CBX6: variants seen among roughly 807,000 people sequenced by gnomAD.
CBX6 encodes chromobox 6, also known as chromobox protein homolog 6.
A neutral mutation model predicts 28.4 loss-of-function variants in CBX6; 7 were observed. The ratio of observed to expected loss-of-function variants is 0.25; its 90% confidence interval spans 0.14 to 0.46. CBX6 has a LOEUF of 0.46. Ranked by LOEUF, CBX6 falls within the 20% of genes least tolerant of loss-of-function variation. The pLI, the probability that CBX6 is intolerant of heterozygous loss-of-function variation, is 0.99. For synonymous variants in CBX6, 297 were observed against 273.4 expected, an observed-to-expected ratio of 1.09 and a Z score of -0.85; for missense variants, 512 against 606.1, an observed-to-expected ratio of 0.84 and a Z score of 1.63.
rs1171296633 is a variant in CBX6 at position 38,866,377 on chromosome 22, G to A, written c.1071C>T (p.Asp357=). 2.5e-6 allele frequency: 4 copies of A among 1,613,492 alleles called. No homozygotes were observed. The highest frequency in any genetic ancestry group is 3.4e-6 in the Non-Finnish European group (4 of 1,179,966). Residue 357 remains aspartate, a synonymous_variant, in exon 5 of 5, where the codon GAC becomes GAT. Transcript: ENST00000407418. This position sits in a 1 kb window ranked among gnomAD's most constrained non-coding sequence, Gnocchi z 7.5. ...AGASSEPEAG[D]WRPEMSPCSN... ...AGCAGGGTGACATCTCGGGGCGCCA[G>A]TCCCCAGCCTCGGGCTCGGAGGAGG... is the stretch of plus-strand genomic sequence containing the variant.
At position 38,861,449 on chromosome 22, in the gene CBX6, CT is replaced by C. The variant is rs2146208994; in HGVS notation, c.*4759del. The C allele has an allele frequency of 6.6e-6, 1 of 152,372 alleles. No individual in the cohort carries two copies. The highest frequency in any genetic ancestry group is 2.4e-5 in the African/African-American group (1 of 41,570). The allele number at this position is 152,372 out of a possible 1,614,324, so 9.4% of individuals were successfully genotyped here. On this transcript the variant is annotated 3_prime_UTR_variant, in exon 5 of 5. Transcript: ENST00000407418. ...GAAGAAGACACAGACACACCCCAAC[CT>C]AGGGGCTAGGCCTCAGCTTCGGAAT...
rs772981704 is a variant in CBX6 at position 38,866,367 on chromosome 22, C to T, written c.1081G>A (p.Glu361Lys). 1.2e-6 allele frequency: 2 copies of T among 1,613,676 alleles called. No homozygotes were observed. Among genetic ancestry groups the T allele is most frequent in the Non-Finnish European group, 8.5e-7 (1 of 1,179,964 alleles). Residue 361 changes from glutamate to lysine, a missense_variant, in exon 5 of 5, where the codon GAG becomes AAG. Transcript: ENST00000407418. The surrounding 1 kb of genome is among the most constrained non-coding windows in gnomAD (Gnocchi z 7.5). Reference sequence around the variant, plus strand: ...ACCACATTGGAGCAGGGTGACATCTCGGGGCGCCAGTCCCCAGCCTCGGGC... The same window carrying T: ...ACCACATTGGAGCAGGGTGACATCTTGGGGCGCCAGTCCCCAGCCTCGGGC... ...SEPEAGDWRP[E>K]MSPCSNVVVT...
rs978838726 is a variant in CBX6 at position 38,864,234 on chromosome 22, CCT to C, written c.*1973_*1974del. ...ATTTTTTTCTATTTCTTTTTTTTTT[CCT>C]CTTTTTTTGTTTTTGTTTTTTTGCA... On this transcript the variant is annotated 3_prime_UTR_variant, in exon 5 of 5. Coordinates refer to ENST00000407418, the MANE Select transcript of CBX6 (RefSeq NM_014292.5). 5.5e-5 allele frequency: 6 copies of C among 109,446 alleles called. No homozygotes were observed. Among genetic ancestry groups the C allele is most frequent in the African/African-American group, 1.9e-4 (6 of 30,976 alleles). The allele number at this position is 109,446 out of a possible 1,614,324, so 6.8% of individuals were successfully genotyped here.
intron 4 of CBX6, among the ~76,000 whole-genome samples, chr22:38,868,119 C>T (rs1306855709): frequency 6.6e-6 from 1 of 152,204 alleles, no homozygotes; most frequent in African/African-American, 2.4e-5. Flanking sequence ...CCAACCCACC[C>T]GTTGTCAGAT....
Position 38,866,889 on chromosome 22 carries a change from C to T in CBX6, c.559G>A (p.Gly187Ser), listed in dbSNP as rs1011003104. 6.3e-7 allele frequency: 1 copy of T among 1,595,866 alleles called. No individual in the cohort carries two copies. The highest frequency in any genetic ancestry group is 2.2e-5 in the East Asian group (1 of 44,666). Residue 187 changes from glycine to serine, a missense_variant, in exon 5 of 5, where the codon GGC becomes AGC. Transcript: ENST00000407418. The surrounding 1 kb of genome is among the most constrained non-coding windows in gnomAD (Gnocchi z 7.5). ...CCGGCCCCCTGCCCGGCGCCCCCGC[C>T]GCCAGCGCCCTTGTCGATCACCTTC... is the stretch of plus-strand genomic sequence containing the variant. ...NLKVIDKGAG[G>S]GGAGQGAGAL...
At position 38,867,031 on chromosome 22, in the gene CBX6, C is replaced by A. The variant is rs773251156; in HGVS notation, c.417G>T (p.Pro139=). The change falls in exon 5 of 5, where the codon CCG becomes CCT. Residue 139 remains proline, a synonymous_variant. Transcript: ENST00000407418. The part of the protein sequence containing the change: ...MSRRPLPRPD[P]QGGSPGLRPP... Reference sequence around the variant, plus strand: ...GGCGCAGTCCGGGGCTGCCCCCCTGCGGGTCCGGGCGGGGCAGGGGACGGC... The same window carrying A: ...GGCGCAGTCCGGGGCTGCCCCCCTGAGGGTCCGGGCGGGGCAGGGGACGGC... The A allele has an allele frequency of 6.9e-6, 11 of 1,603,710 alleles. No homozygotes were observed. The highest frequency in any genetic ancestry group is 1.1e-5 in the South Asian group (1 of 90,360).
In CBX6 at chr22:38,871,034, CG is replaced by C. The variant is rs1345575488; in HGVS notation, c.246+445del. 5 of 173,344 alleles carry C rather than the reference CG, an allele frequency of 2.9e-5. No individual in the cohort carries two copies. Among genetic ancestry groups the C allele is most frequent in the Admixed American group, 1.2e-4 (2 of 16,840 alleles). 10.7% of individuals were successfully genotyped at this position (173,344 alleles called of 1,614,324 possible). On this transcript the variant is annotated intron_variant, in intron 4 of 4. Transcript: ENST00000407418. This position sits in a 1 kb window ranked among gnomAD's most constrained non-coding sequence, Gnocchi z 5.6. ...GAAGAACAAATCCTGAAAGACTGAACGGGGGAAGCTGGGGGCAGGGAGGCAG... is the reference window on the plus strand; with the variant it reads ...GAAGAACAAATCCTGAAAGACTGAACGGGGAAGCTGGGGGCAGGGAGGCAG...
intron 4 of CBX6, among the ~76,000 whole-genome samples, chr22:38,869,234 G>A (rs994150691): frequency 6.6e-6 from 1 of 152,206 alleles, no homozygotes; most frequent in African/African-American, 2.4e-5. Flanking sequence ...AACTGCCTGA[G>A]CTTCCTGACT....
intron 4 of CBX6, among the ~76,000 whole-genome samples, chr22:38,868,877 G>T (rs924500562): frequency 1.1e-4 from 17 of 152,186 alleles, no homozygotes; most frequent in African/African-American, 3.9e-4. Context: ...ACTCTCAGGA[G>T]AGATGTTTGC....
chr22:38,866,640 C>G lies in CBX6; in HGVS notation c.808G>C (p.Ala270Pro), dbSNP rs1234349335. 4.5e-6 allele frequency: 6 copies of G among 1,328,250 alleles called. No homozygotes were observed. The highest frequency in any genetic ancestry group is 1.6e-5 in the African/African-American group (1 of 63,734). 82.3% of individuals were successfully genotyped at this position (1,328,250 alleles called of 1,614,324 possible). Residue 270 changes from alanine to proline, a missense_variant, in exon 5 of 5, where the codon GCC becomes CCC. Ala to Pro is a conservative substitution (Grantham distance 27, BLOSUM62 -1). Transcript: ENST00000407418. The surrounding 1 kb of genome is among the most constrained non-coding windows in gnomAD (Gnocchi z 7.5). ...LLAAPAAPYD[A>P]RSSGSSGCPS... ...CAGCCGGAGGAGCCAGAGCTGCGGG[C>G]GTCGTAGGGGGCGGCGGGGGCGGCC...
In CBX6 at chr22:38,868,865, C is replaced by T. The variant is rs114742138; in HGVS notation, c.247-1664G>A. On this transcript the variant is annotated intron_variant, in intron 4 of 4. Transcript: ENST00000407418. ...ACAAGACTAGATTACCATTTGATCA[C>T]AACTCTCAGGAGAGATGTTTGCTGG... Among the ~76,000 whole-genome samples the T allele has an allele frequency of 4.3e-3, 653 of 152,306 alleles. 4 individuals are homozygous for T. Among genetic ancestry groups the T allele is most frequent in the African/African-American group, 0.015 (616 of 41,570 alleles).
Position 38,865,660 on chromosome 22 carries a change from G to C in CBX6, c.*549C>G, listed in dbSNP as rs1488853872. ...CTTAGGCCTCGTCCAAAATCGAGCA[G>C]GGAAGACCCCGCCCTGGCCCAACTT... On this transcript the variant is annotated 3_prime_UTR_variant, in exon 5 of 5. Coordinates refer to ENST00000407418, the MANE Select transcript of CBX6 (RefSeq NM_014292.5). 6.4e-6 allele frequency: 1 copy of C among 156,946 alleles called. No homozygotes were observed. The allele number at this position is 156,946 out of a possible 1,614,324, so 9.7% of individuals were successfully genotyped here.
chr22:38,867,683 C>T (rs1004278396), intron 4 of CBX6, among the ~76,000 whole-genome samples: 2 of 152,258 alleles, frequency 1.3e-5, no homozygotes, highest in African/African-American at 4.8e-5. Context: ...CCTGCTCCCC[C>T]GCACCAAGTC....
intron 4 of CBX6, among the ~76,000 whole-genome samples, chr22:38,868,269 C>T (rs1008918570): frequency 1.3e-5 from 2 of 152,208 alleles, no homozygotes; most frequent in African/African-American, 2.4e-5. Context: ...ACAGACTCTC[C>T]CCTGGAGAGC....
chr22:38,869,267 T>C (rs2093177113), intron 4 of CBX6, among the ~76,000 whole-genome samples: 1 of 151,970 alleles, frequency 6.6e-6, no homozygotes, highest in African/African-American at 2.4e-5. Context: ...CTTCCAAGAG[T>C]CCAGTGGTGA....
chr22:38,866,013 T>A lies in CBX6; in HGVS notation c.*196A>T, dbSNP rs1315154337. On this transcript the variant is annotated 3_prime_UTR_variant, in exon 5 of 5. Coordinates refer to ENST00000407418, the MANE Select transcript of CBX6 (RefSeq NM_014292.5). This position sits in a 1 kb window ranked among gnomAD's most constrained non-coding sequence, Gnocchi z 7.5. ...ATGGGCAGGGGGTGTGCCCTTCCCC[T>A]GCCCCATTCCAGGGTGGCCCCTACC... The A allele has an allele frequency of 1.7e-6, 1 of 598,738 alleles. No homozygotes were observed. The highest frequency in any genetic ancestry group is 2.8e-5 in the East Asian group (1 of 35,956). The allele number at this position is 598,738 out of a possible 1,614,324, so 37.1% of individuals were successfully genotyped here. A position where few individuals can be genotyped will look rare whatever the true frequency, so the allele number is the denominator to read the frequency against.
intron 4 of CBX6, 106 bp from the exon 5 acceptor site, chr22:38,867,307 C>A: frequency 1.0e-6 from 1 of 985,488 alleles, no homozygotes; most frequent in Non-Finnish European, 1.5e-6. Context: ...GCCAGCGATC[C>A]CGAGATCATT....
At position 38,862,490 on chromosome 22, in the gene CBX6, G is replaced by C. The variant is rs2146209748; in HGVS notation, c.*3719C>G. The C allele has an allele frequency of 7.0e-6, 1 of 142,138 alleles. No homozygotes were observed. The highest frequency in any genetic ancestry group is 2.2e-4 in the South Asian group (1 of 4,584). 8.8% of individuals were successfully genotyped at this position (142,138 alleles called of 1,614,324 possible). ...CCCGGAAGTGGAACTGACCAGGTGG[G>C]GCTCCACTGTCCTGTGTGGGCGAAG... On this transcript the variant is annotated 3_prime_UTR_variant, in exon 5 of 5. Transcript: ENST00000407418.
In CBX6 at chr22:38,866,860, C is replaced by T. The variant is rs1041403596; in HGVS notation, c.588G>A (p.Ala196=). ...GGGGAGQGAG[A]LARPKVPSRN... ...GCGAGGGGACTTTGGGGCGGGCCAGCGCCCCGGCCCCCTGCCCGGCGCCCC... is the reference window on the plus strand; with the variant it reads ...GCGAGGGGACTTTGGGGCGGGCCAGTGCCCCGGCCCCCTGCCCGGCGCCCC... Residue 196 remains alanine, a synonymous_variant, in exon 5 of 5, where the codon GCG becomes GCA. Transcript: ENST00000407418. The surrounding 1 kb of genome is among the most constrained non-coding windows in gnomAD (Gnocchi z 7.5). 2.5e-6 allele frequency: 4 copies of T among 1,604,222 alleles called. No homozygotes were observed. Among genetic ancestry groups the T allele is most frequent in the South Asian group, 1.1e-5 (1 of 90,256 alleles).
Sources: allele counts gnomAD v4.1 joint callset (sites outside exome capture counted in the v4.1 genomes callset), GRCh38; gene constraint gnomAD v4.1.1; non-coding constraint Gnocchi (gnomAD v3.1); transcripts MANE v1.5; gene names NCBI Gene and HGNC (gene_info 2026-07-23, HGNC 2026-07-21).